SH3RF3: variants seen among roughly 807,000 people sequenced by gnomAD.
SH3RF3 encodes the protein SH3 domain containing ring finger 3.
A neutral mutation model predicts 66.3 loss-of-function variants in SH3RF3; 29 were observed. That is an observed-to-expected ratio of 0.44 (90% CI 0.33 to 0.60). SH3RF3 has a LOEUF of 0.60. Among genes scored for constraint, SH3RF3 ranks in the 20% least tolerant of loss-of-function variants. SH3RF3 has a pLI of 0.04. For synonymous variants in SH3RF3, 583 were observed against 532.0 expected, an observed-to-expected ratio of 1.10 and a Z score of -1.32; for missense variants, 1,194 against 1,190.9, an observed-to-expected ratio of 1.00 and a Z score of -0.04.
At position 109,337,158 on chromosome 2, in the gene SH3RF3, G is replaced by A. The variant is rs540166601; in HGVS notation, c.574-10516G>A. Among the ~76,000 whole-genome samples the A allele has an allele frequency of 2.6e-5, 4 of 152,292 alleles. No individual in the cohort carries two copies. The South Asian group carries it at 8.3e-4, about 32-fold the overall frequency. ...AATGCCTTTCTAGAGAGGGAGGTACGAACTGGCTCATAGGGTGATTTTTTC... is the reference window on the plus strand; with the variant it reads ...AATGCCTTTCTAGAGAGGGAGGTACAAACTGGCTCATAGGGTGATTTTTTC... On this transcript the variant is annotated intron_variant, in intron 1 of 9. Coordinates refer to ENST00000309415, the MANE Select transcript of SH3RF3 (RefSeq NM_001099289.3).
At chr2:109,403,204 C>A (rs1676361470) in intron 4 of SH3RF3, among the ~76,000 whole-genome samples, 1 of 152,232 alleles carries the variant, frequency 6.6e-6, no homozygotes, top group Admixed American at 6.5e-5. Context: ...AGCCTGGGAG[C>A]ACAGCCTGAG....
intron 4 of SH3RF3, among the ~76,000 whole-genome samples, chr2:109,418,482 ATCC>A (rs1255287575): frequency 1.3e-5 from 2 of 152,054 alleles, no homozygotes; most frequent in Non-Finnish European, 2.9e-5. Flanking sequence ...GGCTGCCGGC[ATCC>A]TCAGCACCCC....
chr2:109,377,708 A>G (rs1002289499), intron 3 of SH3RF3, among the ~76,000 whole-genome samples: 2 of 152,192 alleles, frequency 1.3e-5, no homozygotes, highest in African/African-American at 4.8e-5. Flanking sequence ...GAGAGTGCTT[A>G]TCTTCAGCAC....
chr2:109,170,476 G>T (rs1677752008), intron 1 of SH3RF3, among the ~76,000 whole-genome samples: 1 of 152,034 alleles, frequency 6.6e-6, no homozygotes, highest in African/African-American at 2.4e-5. Flanking sequence ...CTCCTGAGTA[G>T]CTGGGACTGC....
chr2:109,318,081 C>G (rs1193337012), intron 1 of SH3RF3, among the ~76,000 whole-genome samples: 1 of 145,608 alleles, frequency 6.9e-6, no homozygotes, highest in Non-Finnish European at 1.5e-5. Flanking sequence ...AAGCCATGAG[C>G]ACGCTGAATT....
At chr2:109,204,127 G>T (rs1455367402) in intron 1 of SH3RF3, among the ~76,000 whole-genome samples, 3 of 152,248 alleles carry the variant, frequency 2.0e-5, no homozygotes, top group Non-Finnish European at 4.4e-5. Flanking sequence ...AGGGTAAGGA[G>T]AATCCAGTGA....
intron 1 of SH3RF3, among the ~76,000 whole-genome samples, chr2:109,242,762 A>G (rs61195974): frequency 0.019 from 2,905 of 152,240 alleles, 97 homozygotes; most frequent in African/African-American, 0.065. Context: ...TTCTTTCCCC[A>G]GTGACGTCCT....
chr2:109,262,318 G>A (rs1291761545), intron 1 of SH3RF3, among the ~76,000 whole-genome samples: 1 of 152,344 alleles, frequency 6.6e-6, no homozygotes, highest in African/African-American at 2.4e-5. Context: ...AGTAACCACG[G>A]TGGAAAAGCA....
At chr2:109,500,387 C>T (rs944389538) in intron 9 of SH3RF3, among the ~76,000 whole-genome samples, 4 of 152,142 alleles carry the variant, frequency 2.6e-5, no homozygotes, top group Admixed American at 2.6e-4. Flanking sequence ...GCACCTGCCA[C>T]GCAGCACACC....
chr2:109,144,398 A>G (rs1274304522), intron 1 of SH3RF3, among the ~76,000 whole-genome samples: 1 of 152,246 alleles, frequency 6.6e-6, no homozygotes, highest in Non-Finnish European at 1.5e-5. Context: ...GCCTCAAGTC[A>G]TAGAACAAGC....
intron 3 of SH3RF3, among the ~76,000 whole-genome samples, chr2:109,382,847 G>A (rs906124827): frequency 6.6e-6 from 1 of 152,220 alleles, no homozygotes; most frequent in Non-Finnish European, 1.5e-5. Flanking sequence ...ACATTTGGCT[G>A]TTGGATTATG....
intron 1 of SH3RF3, among the ~76,000 whole-genome samples, chr2:109,247,921 A>G (rs1450685429): frequency 6.6e-6 from 1 of 152,210 alleles, no homozygotes; most frequent in Non-Finnish European, 1.5e-5. Flanking sequence ...CCAGTAAGCA[A>G]CAAGAAAAGG....
chr2:109,485,981 A>T (rs552749641), intron 8 of SH3RF3, among the ~76,000 whole-genome samples: 2 of 152,248 alleles, frequency 1.3e-5, no homozygotes, highest in African/African-American at 2.4e-5. Flanking sequence ...AGCCAGCCAG[A>T]CAGCTCAGGT....
At chr2:109,422,755 A>G (rs1676916423) in intron 5 of SH3RF3, among the ~76,000 whole-genome samples, 1 of 152,188 alleles carries the variant, frequency 6.6e-6, no homozygotes, top group African/African-American at 2.4e-5. Flanking sequence ...TGCTGTGAGT[A>G]GGTTGCCCCT....
rs945325657 is a variant in SH3RF3 at position 109,487,296 on chromosome 2, A to C, written c.2149-3309A>C. ...ATGAGCCTCTCCCCGAGTACATGCCAACTGTCCATTGGCTATTCTTTCCTG... is the reference window on the plus strand; with the variant it reads ...ATGAGCCTCTCCCCGAGTACATGCCCACTGTCCATTGGCTATTCTTTCCTG... On this transcript the variant is annotated intron_variant, in intron 8 of 9. Transcript: ENST00000309415. 3.9e-5 allele frequency among the ~76,000 whole-genome samples: 6 copies of C among 152,280 alleles called. No individual in the cohort carries two copies. In the South Asian group the frequency reaches 1.2e-3, roughly 32 times the overall value.
intron 6 of SH3RF3, 25 bp downstream of exon 6, chr2:109,432,696 G>A (rs746455632): frequency 6.2e-7 from 1 of 1,601,400 alleles, no homozygotes; most frequent in Non-Finnish European, 8.5e-7. Flanking sequence ...GTGGCAGCCT[G>A]GGCAAGGAGA....
chr2:109,417,261 C>T lies in SH3RF3; in HGVS notation c.1300-2278C>T, dbSNP rs76323039. Among the ~76,000 whole-genome samples the T allele has an allele frequency of 7.6e-3, 1,164 of 152,252 alleles. 113 individuals carry two copies. The East Asian group carries it at 0.2, about 26-fold the overall frequency. On this transcript the variant is annotated intron_variant, in intron 4 of 9. Coordinates refer to ENST00000309415, the MANE Select transcript of SH3RF3 (RefSeq NM_001099289.3). ...CCCTCCCTTGGGGTGTCTCTGCCCT[C>T]GTACTTGCCCTCCAGCCCCCACCTA...
Position 109,501,515 on chromosome 2 carries a change from G to A in SH3RF3, c.2493G>A (p.Val831=), listed in dbSNP as rs1181777308. Reference sequence around the variant, plus strand: ...GCTGTTTCCCCAGGTACCGCGTGGTGGTCTCGTACCCACCCCAGAGTGAGG... The same window carrying A: ...GCTGTTTCCCCAGGTACCGCGTGGTAGTCTCGTACCCACCCCAGAGTGAGG... ...KLLPRERYRV[V]VSYPPQSEAE... The change falls in exon 10 of 10, where the codon GTG becomes GTA. Residue 831 remains valine (V), a synonymous_variant. Transcript: ENST00000309415. 2 of 778,292 alleles carry A rather than the reference G, an allele frequency of 2.6e-6. No homozygotes were observed. Among genetic ancestry groups the A allele is most frequent in the Non-Finnish European group, 2.4e-6 (1 of 417,036 alleles). The allele number at this position is 778,292 out of a possible 1,614,324, so 48.2% of individuals were successfully genotyped here.
intron 1 of SH3RF3, among the ~76,000 whole-genome samples, chr2:109,342,651 C>A (rs550120021): frequency 6.6e-6 from 1 of 152,328 alleles, no homozygotes; most frequent in Non-Finnish European, 1.5e-5. Context: ...TGGCACCCGC[C>A]CTTACTCAGG....
Sources: allele counts gnomAD v4.1 joint callset (sites outside exome capture counted in the v4.1 genomes callset), GRCh38; gene constraint gnomAD v4.1.1; transcripts MANE v1.5; gene names NCBI Gene and HGNC (gene_info 2026-07-23, HGNC 2026-07-21).